The following HYCC1 variants were observed in gnomAD, a reference collection of about 807,000 sequenced individuals.
HYCC1 encodes the protein hyccin PI4KA lipid kinase complex subunit 1, also known as hyccin.
At chr7:22,992,698 G>C in the HYCC1 span, among the ~76,000 whole-genome samples, 2 of 152,036 alleles carry the variant, frequency 1.3e-5, no homozygotes, top group Non-Finnish European at 2.9e-5. Context: ...GTAAAGCAAA[G>C]CCAATATAAA....
At chr7:22,972,254 G>A in the HYCC1 span, among the ~76,000 whole-genome samples, 97 of 152,200 alleles carry the variant, frequency 6.4e-4, no homozygotes, top group African/African-American at 2.1e-3. Context: ...TGGCTTACTC[G>A]TAACAAAGCT....
chr7:22,928,669 G>C, the HYCC1 span, among the ~76,000 whole-genome samples: 1 of 152,090 alleles, frequency 6.6e-6, no homozygotes, highest in East Asian at 1.9e-4. Context: ...ACAAACCACT[G>C]CTCAACGAAA....
chr7:23,004,854 G>A, the HYCC1 span, among the ~76,000 whole-genome samples: 1 of 152,070 alleles, frequency 6.6e-6, no homozygotes, highest in Non-Finnish European at 1.5e-5. Flanking sequence ...CGCTCAGGCT[G>A]GAGTGCAATG....
At chr7:22,955,822 T>C in the HYCC1 span, among the ~76,000 whole-genome samples, 5 of 151,610 alleles carry the variant, frequency 3.3e-5, no homozygotes, top group Admixed American at 2.0e-4. Flanking sequence ...CTTTTTAAAA[T>C]AGCTGAAATG....
chr7:22,991,153 T>C, the HYCC1 span: 36 of 1,511,404 alleles, frequency 2.4e-5, no homozygotes, highest in Admixed American at 4.0e-4. Context: ...AAAATTAACA[T>C]AGAAAAATGT....
chr7:22,939,096 T>C, the HYCC1 span: 6 of 152,242 alleles, frequency 3.9e-5, no homozygotes, highest in Non-Finnish European at 8.8e-5. Flanking sequence ...TTTTAATGGC[T>C]ACATTATATT....
At chr7:22,901,935 G>A in the HYCC1 span, among the ~76,000 whole-genome samples, 1 of 152,030 alleles carries the variant, frequency 6.6e-6, no homozygotes, top group Non-Finnish European at 1.5e-5. Flanking sequence ...GATATAATCA[G>A]CATTTGTATA....
the HYCC1 span, among the ~76,000 whole-genome samples, chr7:22,969,990 A>G: frequency 3.9e-5 from 6 of 152,216 alleles, no homozygotes; most frequent in Non-Finnish European, 8.8e-5. Flanking sequence ...AACAGAACAT[A>G]GGTAAGTTAC....
At chr7:22,899,848 C>A in the HYCC1 span, among the ~76,000 whole-genome samples, 1 of 151,788 alleles carries the variant, frequency 6.6e-6, no homozygotes, top group Non-Finnish European at 1.5e-5. Context: ...TTTTTTTTCT[C>A]TCTTTTGCTT....
the HYCC1 span, among the ~76,000 whole-genome samples, chr7:23,003,644 A>G: frequency 6.6e-6 from 1 of 152,166 alleles, no homozygotes; most frequent in African/African-American, 2.4e-5. Context: ...AATGTTGGGG[A>G]CAAAGAAAGA....
the HYCC1 span, among the ~76,000 whole-genome samples, chr7:22,970,699 T>C: frequency 6.6e-6 from 1 of 152,204 alleles, no homozygotes; most frequent in Non-Finnish European, 1.5e-5. Flanking sequence ...TACTCCTTTA[T>C]TTTGGTACTT....
the HYCC1 span, among the ~76,000 whole-genome samples, chr7:22,931,245 CAAAA>C: frequency 1.5e-5 from 1 of 65,918 alleles, no homozygotes; most frequent in African/African-American, 5.7e-5. Context: ...CAAGGAATGC[CAAAA>C]AAAAAGAAAA....
At chr7:23,004,221 T>C in the HYCC1 span, among the ~76,000 whole-genome samples, 5 of 152,244 alleles carry the variant, frequency 3.3e-5, no homozygotes, top group Non-Finnish European at 5.9e-5. Flanking sequence ...CCCAAAGTAA[T>C]TGAAAGTCCT....
chr7:22,967,117 A>G, the HYCC1 span, among the ~76,000 whole-genome samples: 1 of 152,234 alleles, frequency 6.6e-6, no homozygotes, highest in East Asian at 1.9e-4. Context: ...TATTTATTAA[A>G]GATTGATACT....
chr7:23,003,517 C>G, the HYCC1 span, among the ~76,000 whole-genome samples: 1 of 152,186 alleles, frequency 6.6e-6, no homozygotes, highest in African/African-American at 2.4e-5. Context: ...ATTTTGCTAT[C>G]AATAACCCCT....
the HYCC1 span, among the ~76,000 whole-genome samples, chr7:22,990,308 T>A: frequency 6.6e-6 from 1 of 152,216 alleles, no homozygotes; most frequent in African/African-American, 2.4e-5. Flanking sequence ...TTTGGTGAGA[T>A]GGTCCCATGG....
chr7:22,976,795 C>G, the HYCC1 span: 1 of 1,610,108 alleles, frequency 6.2e-7, no homozygotes, highest in South Asian at 1.1e-5. Flanking sequence ...AGCCATGGAC[C>G]CAATGCTGGA....
At chr7:22,922,111 C>T in the HYCC1 span, among the ~76,000 whole-genome samples, 2,435 of 150,358 alleles carry the variant, frequency 0.016, 67 homozygotes, top group African/African-American at 0.056. Flanking sequence ...AAAAATCAAA[C>T]GGCATAATCT....
At chr7:22,908,566 C>T in the HYCC1 span, among the ~76,000 whole-genome samples, 6 of 152,156 alleles carry the variant, frequency 3.9e-5, no homozygotes, top group Admixed American at 3.9e-4. Flanking sequence ...CTTGCATTTA[C>T]TCCCCCTCCA....
Sources: allele counts gnomAD v4.1 joint callset (sites outside exome capture counted in the v4.1 genomes callset), GRCh38; gene constraint gnomAD v4.1.1; transcripts MANE v1.5; gene names NCBI Gene and HGNC (gene_info 2026-07-23, HGNC 2026-07-21).